Variants in KCNK3 observed in about 807,000 individuals in gnomAD.
The protein encoded by KCNK3 is potassium two pore domain channel subfamily K member 3.
A neutral mutation model predicts 27.3 loss-of-function variants in KCNK3; 9 were observed. The observed-to-expected ratio is 0.33, with a 90% CI of 0.20 to 0.57. The LOEUF (loss-of-function observed/expected upper bound fraction) is 0.57, where lower values mean the gene tolerates loss of function less well. Ranked by LOEUF, KCNK3 falls within the 20% of genes least tolerant of loss-of-function variation. KCNK3 has a pLI of 0.87. For missense variants in KCNK3, 391 were observed against 577.7 expected (o/e 0.68, Z 3.31); for synonymous variants, 278 against 273.8 (o/e 1.02, Z -0.15).
intron 1 of KCNK3, among the ~76,000 whole-genome samples, chr2:26,697,943 A>C (rs1670255918): frequency 6.6e-6 from 1 of 152,118 alleles, no homozygotes; most frequent in Non-Finnish European, 1.5e-5. Context: ...GCCACCCCCA[A>C]AATCCCAGAG....
In KCNK3 at chr2:26,702,095, T is replaced by C. The variant is rs188478509; in HGVS notation, c.283+8937T>C. Reference sequence around the variant, plus strand: ...AGGACCTATTAGTTATTTTTCCTGATCCTCTCTCTCCTTCTACCCTCCACC... The same window carrying C: ...AGGACCTATTAGTTATTTTTCCTGACCCTCTCTCTCCTTCTACCCTCCACC... On this transcript the variant is annotated intron_variant, in intron 1 of 1. Coordinates refer to ENST00000302909, the MANE Select transcript of KCNK3 (RefSeq NM_002246.3). Among the ~76,000 whole-genome samples the C allele has an allele frequency of 1.1e-3, 171 of 152,320 alleles. 3 individuals carry two copies. Among genetic ancestry groups the C allele is most frequent in the Admixed American group, 8.1e-3 (124 of 15,304 alleles).
intron 1 of KCNK3, among the ~76,000 whole-genome samples, chr2:26,695,169 A>C (rs1670219510): frequency 2.0e-5 from 3 of 152,186 alleles, no homozygotes; most frequent in Admixed American, 2.0e-4. Flanking sequence ...TCCTCTGAGA[A>C]TACCTTAAGT....
intron 1 of KCNK3, among the ~76,000 whole-genome samples, chr2:26,709,815 G>T (rs548163252): frequency 9.2e-5 from 14 of 152,228 alleles, no homozygotes; most frequent in African/African-American, 3.4e-4. Flanking sequence ...GGCGATGGGC[G>T]CAGGGCTACT....
intron 1 of KCNK3, among the ~76,000 whole-genome samples, chr2:26,694,491 G>A (rs1670210265): frequency 6.6e-6 from 1 of 152,158 alleles, no homozygotes; most frequent in South Asian, 2.1e-4. Context: ...TCCACTGCAG[G>A]ACACTGTTCC....
At position 26,728,372 on chromosome 2, in the gene KCNK3, C is replaced by G; in HGVS notation, c.989C>G (p.Pro330Arg). 1 of 1,607,808 alleles carries G rather than the reference C, an allele frequency of 6.2e-7. No individual in the cohort carries two copies. The highest frequency in any genetic ancestry group is 8.5e-7 in the Non-Finnish European group (1 of 1,177,596). Reference sequence around the variant, plus strand: ...CAGTACTCCATCCCCATGATCATCCCGCGGGACCTCTCCACGTCCGACACG... The same window carrying G: ...CAGTACTCCATCCCCATGATCATCCGGCGGGACCTCTCCACGTCCGACACG... ...KLQYSIPMIIPRDLSTSDTCV... is the reference protein window; with the variant it reads ...KLQYSIPMIIRRDLSTSDTCV... Residue 330 changes from proline (P) to arginine (R), a missense_variant, in exon 2 of 2, where the codon CCG becomes CGG. Pro to Arg is a moderately radical substitution (Grantham distance 103). Around this residue, in one of 4 missense-constraint regions of KCNK3, gnomAD observed 192 missense variants for 196.0 expected, o/e 0.98. Transcript: ENST00000302909.
chr2:26,703,024 G>A (rs1670328959), intron 1 of KCNK3, among the ~76,000 whole-genome samples: 1 of 152,138 alleles, frequency 6.6e-6, no homozygotes, highest in Non-Finnish European at 1.5e-5. Flanking sequence ...GCTGAGGCAG[G>A]AGAATTGCTT....
chr2:26,729,736 T>G lies in KCNK3; in HGVS notation c.*1168T>G, dbSNP rs1250305967. 1 of 149,362 alleles carries G rather than the reference T, an allele frequency of 6.7e-6. No individual in the cohort carries two copies. The highest frequency in any genetic ancestry group is 2.5e-5 in the African/African-American group (1 of 40,166). 9.3% of individuals were successfully genotyped at this position (149,362 alleles called of 1,614,324 possible). A position where few individuals can be genotyped will look rare whatever the true frequency, so the allele number is the denominator to read the frequency against. ...TGGGAGTCCCAGCGACTTGGGAGGC[T>G]GAGGTGGGAGGATTGTTTGAGCCTG... On this transcript the variant is annotated 3_prime_UTR_variant, in exon 2 of 2. Coordinates refer to ENST00000302909, the MANE Select transcript of KCNK3 (RefSeq NM_002246.3).
chr2:26,724,786 G>A (rs891926448), intron 1 of KCNK3, among the ~76,000 whole-genome samples: 12 of 152,186 alleles, frequency 7.9e-5, no homozygotes, highest in African/African-American at 2.9e-4. Flanking sequence ...GGCAGAGGAA[G>A]GGGTTGTCAC....
At chr2:26,700,794 GTCTC>G (rs1012418680) in intron 1 of KCNK3, among the ~76,000 whole-genome samples, 10 of 150,902 alleles carry the variant, frequency 6.6e-5, no homozygotes, top group African/African-American at 2.2e-4. Context: ...CTCTCTCTCT[GTCTC>G]TCTCTCTCTC....
intron 1 of KCNK3, among the ~76,000 whole-genome samples, chr2:26,713,862 G>T (rs1392000543): frequency 6.6e-6 from 1 of 151,726 alleles, no homozygotes; most frequent in Non-Finnish European, 1.5e-5. Context: ...GATCACATGA[G>T]GTCAGGAGTT....
In KCNK3 at chr2:26,727,900, A is replaced by C; in HGVS notation, c.517A>C (p.Ile173Leu). ...CTTCTCGTGCATCAGCACGCTGTGC[A>C]TCGGCGCCGCCGCCTTCTCCCACTA... ...GFFSCISTLC[I>L]GAAAFSHYEH... is the part of the protein sequence containing the mutation. The change falls in exon 2 of 2, where the codon ATC becomes CTC. Residue 173 changes from isoleucine (I) to leucine (L), a missense_variant. Physicochemically the swap from Ile to Leu is conservative, Grantham distance 5 (BLOSUM62 2). Coordinates refer to ENST00000302909, the MANE Select transcript of KCNK3 (RefSeq NM_002246.3). 6.2e-7 allele frequency: 1 copy of C among 1,614,198 alleles called. No homozygotes were observed. The highest frequency in any genetic ancestry group is 8.5e-7 in the Non-Finnish European group (1 of 1,180,038).
At chr2:26,695,733 GCCGTTTCC>G (rs1304738614) in intron 1 of KCNK3, among the ~76,000 whole-genome samples, 1 of 152,168 alleles carries the variant, frequency 6.6e-6, no homozygotes, top group Non-Finnish European at 1.5e-5. Flanking sequence ...CTCTTCCTCT[GCCGTTTCC>G]CAAAGTGCTT....
chr2:26,698,126 T>A (rs180960594), intron 1 of KCNK3, among the ~76,000 whole-genome samples: 1 of 152,096 alleles, frequency 6.6e-6, no homozygotes, highest in East Asian at 1.9e-4. Context: ...CATCCCACCA[T>A]CTCTCTTAGC....
In KCNK3 at chr2:26,693,284, T is replaced by C. The variant is rs1670193866; in HGVS notation, c.283+126T>C. ...AGGGGCTGGGCGCCGAACCCTGCGCTCGCAGAAACCCGAGTTCAGCCTGGC... is the reference window on the plus strand; with the variant it reads ...AGGGGCTGGGCGCCGAACCCTGCGCCCGCAGAAACCCGAGTTCAGCCTGGC... On this transcript the variant is annotated intron_variant, in intron 1 of 1. Coordinates refer to ENST00000302909, the MANE Select transcript of KCNK3 (RefSeq NM_002246.3). This position sits in a 1 kb window ranked among gnomAD's most constrained non-coding sequence, Gnocchi z 5.5. 1.0e-6 allele frequency: 1 copy of C among 953,584 alleles called. No individual in the cohort carries two copies. Among genetic ancestry groups the C allele is most frequent in the Non-Finnish European group, 1.5e-6 (1 of 689,146 alleles). 59.1% of individuals were successfully genotyped at this position (953,584 alleles called of 1,614,324 possible).
chr2:26,704,405 C>A (rs975008219), intron 1 of KCNK3, among the ~76,000 whole-genome samples: 1 of 152,196 alleles, frequency 6.6e-6, no homozygotes, highest in Non-Finnish European at 1.5e-5. Context: ...GGATCCCAAG[C>A]GTACCCTCCT....
chr2:26,718,069 C>T (rs746893141), intron 1 of KCNK3, among the ~76,000 whole-genome samples: 2 of 151,862 alleles, frequency 1.3e-5, no homozygotes, highest in South Asian at 2.1e-4. Flanking sequence ...TCTCCTTTCT[C>T]GGCCCCTCGC....
At chr2:26,707,655 G>A (rs1214695683) in intron 1 of KCNK3, among the ~76,000 whole-genome samples, 3 of 152,168 alleles carry the variant, frequency 2.0e-5, no homozygotes, top group Admixed American at 2.0e-4. Flanking sequence ...GGCCAGGATG[G>A]GGTGAGTTCA....
intron 1 of KCNK3, among the ~76,000 whole-genome samples, chr2:26,707,480 C>T (rs1220889334): frequency 6.6e-6 from 1 of 152,246 alleles, no homozygotes; most frequent in Non-Finnish European, 1.5e-5. Context: ...GTGTTCTGCT[C>T]ATGCACCAGC....
At chr2:26,698,153 G>A (rs1449655939) in intron 1 of KCNK3, among the ~76,000 whole-genome samples, 1 of 152,150 alleles carries the variant, frequency 6.6e-6, no homozygotes, top group Admixed American at 6.5e-5. Context: ...GCCTCTGGCA[G>A]CTCATCACTC....
Sources: gnomAD v4.1 joint callset for allele counts (sites outside exome capture counted in the v4.1 genomes callset) on GRCh38, gnomAD v4.1.1 for gene constraint, gnomAD v4.1.1 regional missense constraint, Gnocchi (gnomAD v3.1) non-coding constraint, MANE v1.5 for transcripts, NCBI Gene and HGNC (gene_info 2026-07-23, HGNC 2026-07-21) for gene names.